PCDH7: variants seen among roughly 807,000 people sequenced by gnomAD.
PCDH7 encodes the protein protocadherin 7.
Under a neutral mutation model 58.9 loss-of-function variants are expected in PCDH7, and 17 were observed. The ratio of observed to expected loss-of-function variants is 0.29; its 90% CI spans 0.20 to 0.43. The LOEUF is 0.43. Among genes scored for constraint, PCDH7 ranks in the 20% least tolerant of loss-of-function variants. The probability of loss-of-function intolerance (pLI) is 1.00; values close to 1 mark genes in which losing one functional copy is unlikely to be tolerated. For synonymous variants in PCDH7, 664 were observed against 616.4 expected (o/e 1.08, Z -1.14); for missense variants, 1,274 against 1,441.0 (o/e 0.88, Z 1.88).
intron 1 of PCDH7, among the ~76,000 whole-genome samples, chr4:30,869,332 C>T (rs1216040506): frequency 2.6e-5 from 4 of 151,894 alleles, no homozygotes; most frequent in Admixed American, 6.6e-5. Flanking sequence ...ATGGGCAGCA[C>T]GTGCAGGTTT....
At chr4:30,995,382 G>C (rs914834986) in intron 3 of PCDH7, among the ~76,000 whole-genome samples, 1 of 151,978 alleles carries the variant, frequency 6.6e-6, no homozygotes, top group Non-Finnish European at 1.5e-5. Flanking sequence ...CGTGGTGGCG[G>C]GCGCCTGTAG....
At chr4:30,798,242 CAG>C (rs1413333756) in intron 1 of PCDH7, among the ~76,000 whole-genome samples, 2 of 152,138 alleles carry the variant, frequency 1.3e-5, no homozygotes, top group Non-Finnish European at 2.9e-5. Flanking sequence ...TCTTTACAGA[CAG>C]GGGAGTGGAT....
Position 31,032,668 on chromosome 4 carries a change from A to AAGGAAGGCAGGG in PCDH7, c.*7+82456_*7+82457insAAGGCAGGGAGG, listed in dbSNP as rs1181076977. On this transcript the variant is annotated intron_variant, in intron 3 of 3. Coordinates refer to the PCDH7 transcript ENST00000509759. ...ACAGAGAGAGAGAGAGGAAGGAAGG[A>AAGGAAGGCAGGG]AGGGAGGGAGGGAGGGAGGGAGGGA... is the stretch of plus-strand genomic sequence containing the variant. Among the ~76,000 whole-genome samples, 118 of 71,206 alleles carry AAGGAAGGCAGGG rather than the reference A, an allele frequency of 1.7e-3. 1 individual carries two copies. The South Asian group carries it at 0.063, about 38-fold the overall frequency. The allele number at this position is 71,206 out of a possible 152,430, so 46.7% of individuals were successfully genotyped here. A position where few individuals can be genotyped will look rare whatever the true frequency, so the allele number is the denominator to read the frequency against.
chr4:31,124,289 C>A (rs1298826941), intron 3 of PCDH7, among the ~76,000 whole-genome samples: 2 of 152,172 alleles, frequency 1.3e-5, no homozygotes, highest in East Asian at 3.9e-4. Context: ...ACTCAATGTG[C>A]ATTTTCTCAT....
At chr4:31,034,674 C>A (rs1472415752) in intron 3 of PCDH7, among the ~76,000 whole-genome samples, 2 of 152,152 alleles carry the variant, frequency 1.3e-5, no homozygotes, top group African/African-American at 4.8e-5. Flanking sequence ...GTCATTTCAT[C>A]ATTTCCCTGC....
At chr4:31,011,449 A>G (rs1269559994) in intron 3 of PCDH7, among the ~76,000 whole-genome samples, 1 of 151,996 alleles carries the variant, frequency 6.6e-6, no homozygotes, top group Non-Finnish European at 1.5e-5. Flanking sequence ...TTACAAGCTA[A>G]TAATGGATAC....
intron 1 of PCDH7, among the ~76,000 whole-genome samples, chr4:30,763,309 G>C (rs1484071460): frequency 6.6e-6 from 1 of 152,084 alleles, no homozygotes; most frequent in Non-Finnish European, 1.5e-5. Context: ...ACTGTATATT[G>C]ATTAGTCAAT....
intron 3 of PCDH7, among the ~76,000 whole-genome samples, chr4:31,082,877 G>A (rs185211291): frequency 2.2e-4 from 33 of 152,292 alleles, no homozygotes; most frequent in Middle Eastern, 3.4e-3. Flanking sequence ...CAAGGGCCAA[G>A]GTGGGCGGAT....
At chr4:30,867,796 A>G (rs1466041637) in intron 1 of PCDH7, among the ~76,000 whole-genome samples, 1 of 152,036 alleles carries the variant, frequency 6.6e-6, no homozygotes, top group African/African-American at 2.4e-5. Context: ...TTTCATTCTG[A>G]TGGTAGGGCT....
chr4:30,836,105 T>G (rs1730450927), intron 1 of PCDH7, among the ~76,000 whole-genome samples: 1 of 152,200 alleles, frequency 6.6e-6, no homozygotes, highest in Non-Finnish European at 1.5e-5. Flanking sequence ...GTAATCCATA[T>G]TTGGTTGACT....
At chr4:30,772,620 T>C (rs569822430) in intron 1 of PCDH7, among the ~76,000 whole-genome samples, 2 of 152,312 alleles carry the variant, frequency 1.3e-5, no homozygotes, top group South Asian at 4.1e-4. Flanking sequence ...AGAAGAGTCA[T>C]GAGGCAGGAA....
At chr4:30,862,346 G>A (rs1194724446) in intron 1 of PCDH7, among the ~76,000 whole-genome samples, 1 of 152,138 alleles carries the variant, frequency 6.6e-6, no homozygotes, top group African/African-American at 2.4e-5. Flanking sequence ...AAGCAGAATT[G>A]TCAGAATCAC....
rs576574166 is a variant in PCDH7, at chr4:31,083,005, G to C, written c.*8-59468G>C. Reference sequence around the variant, plus strand: ...CACCTGTAGTCCCAGCTACTCGGGAGGCTGAGGCAGGAGAATGGCGTGAAC... The same window carrying C: ...CACCTGTAGTCCCAGCTACTCGGGACGCTGAGGCAGGAGAATGGCGTGAAC... On this transcript the variant is annotated intron_variant, in intron 3 of 3. Transcript: ENST00000509759. 2.4e-4 allele frequency among the ~76,000 whole-genome samples: 36 copies of C among 152,282 alleles called. No homozygotes were observed. In the South Asian group the frequency reaches 6.0e-3, roughly 25 times the overall value.
At position 30,739,780 on chromosome 4, in the gene PCDH7, T is replaced by C. The variant is rs181049402; in HGVS notation, c.70+15184T>C. Among the ~76,000 whole-genome samples, 171 of 152,262 alleles carry C rather than the reference T, an allele frequency of 1.1e-3. 1 individual carries two copies. Among genetic ancestry groups the C allele is most frequent in the African/African-American group, 3.7e-3 (153 of 41,554 alleles). ...GGTTGACATTTCAGAAAGAAAATAG[T>C]GAATCACTACTATATGCCAATTATG... On this transcript the variant is annotated intron_variant, in intron 1 of 3. Coordinates refer to the PCDH7 transcript ENST00000509759.
chr4:30,856,432 A>T (rs1733467677), intron 1 of PCDH7, among the ~76,000 whole-genome samples: 1 of 152,094 alleles, frequency 6.6e-6, no homozygotes, highest in Non-Finnish European at 1.5e-5. Context: ...TAAAAGAAGA[A>T]ATACAGATTA....
chr4:31,106,709 C>G (rs752466824), intron 3 of PCDH7, among the ~76,000 whole-genome samples: 1 of 152,112 alleles, frequency 6.6e-6, no homozygotes, highest in African/African-American at 2.4e-5. Flanking sequence ...TTATTCATAA[C>G]AGGAAAACAA....
chr4:30,988,067 A>G (rs1019798255), intron 3 of PCDH7, among the ~76,000 whole-genome samples: 2 of 152,188 alleles, frequency 1.3e-5, no homozygotes, highest in Non-Finnish European at 2.9e-5. Flanking sequence ...CCTAGAAAGC[A>G]CACAGACATG....
chr4:30,741,257 T>A (rs541752892), intron 1 of PCDH7, among the ~76,000 whole-genome samples: 1 of 152,154 alleles, frequency 6.6e-6, no homozygotes, highest in African/African-American at 2.4e-5. Context: ...GTAGATGGTT[T>A]TTTTTTTAGA....
At chr4:30,981,407 A>T (rs1750556281) in intron 3 of PCDH7, among the ~76,000 whole-genome samples, 1 of 152,198 alleles carries the variant, frequency 6.6e-6, no homozygotes, top group Admixed American at 6.5e-5. Context: ...GAGATTTATG[A>T]CAGATTTAGT....
Sources: allele counts gnomAD v4.1 joint callset (sites outside exome capture counted in the v4.1 genomes callset), GRCh38; gene constraint gnomAD v4.1.1; transcripts MANE v1.5; gene names NCBI Gene and HGNC (gene_info 2026-07-23, HGNC 2026-07-21).